Variants in NPLOC4 observed in about 807,000 individuals in gnomAD.
NPLOC4 encodes NPL4 homolog, ubiquitin recognition factor.
NPLOC4 carries 18 observed loss-of-function variants against 80.6 expected under a neutral mutation model. The ratio of observed to expected loss-of-function variants is 0.22; its 90% CI spans 0.15 to 0.33. The LOEUF (loss-of-function observed/expected upper bound fraction) is 0.33. Ranked by LOEUF, NPLOC4 falls within the 10% of genes least tolerant of loss-of-function variation. The pLI, the probability that NPLOC4 is intolerant of heterozygous loss-of-function variation, is 1.00. For synonymous variants in NPLOC4, 313 were observed against 301.5 expected (o/e 1.04, Z -0.39); for missense variants, 540 against 786.1 (o/e 0.69, Z 3.74).
At chr17:81,631,436 A>ATATATAT (rs1330720098) in intron 1 of NPLOC4, among the ~76,000 whole-genome samples, 3 of 117,050 alleles carry the variant, frequency 2.6e-5, no homozygotes, top group African/African-American at 9.4e-5. Context: ...ATATATATAT[A>ATATATAT]TTTTTTTTTT....
chr17:81,615,875 A>G (rs1419885673), intron 3 of NPLOC4, among the ~76,000 whole-genome samples: 2 of 152,234 alleles, frequency 1.3e-5, no homozygotes, highest in African/African-American at 4.8e-5. Flanking sequence ...CTCTGTAACT[A>G]AAGGCCTGCT....
chr17:81,605,071 C>G (rs531522644), intron 7 of NPLOC4, among the ~76,000 whole-genome samples: 2 of 150,712 alleles, frequency 1.3e-5, no homozygotes, highest in East Asian at 4.0e-4. Context: ...CCATCCTGAC[C>G]AACATGATGA....
chr17:81,613,098 A>G, intron 4 of NPLOC4: 1 of 451,110 alleles, frequency 2.2e-6, no homozygotes, highest in South Asian at 3.8e-5. Flanking sequence ...TTATGGGAAC[A>G]TATTTTGAGG....
rs1416485461 is a variant in NPLOC4 at position 81,603,278 on chromosome 17, C to CT, written c.834+1269dup. Among the ~76,000 whole-genome samples the CT allele has an allele frequency of 2.6e-5, 4 of 151,864 alleles. No individual in the cohort carries two copies. In the East Asian group the frequency reaches 7.7e-4, roughly 29 times the overall value. Reference sequence around the variant, plus strand: ...GTAAACATGACTTTGGAAATGTGCACTTTTTTTTTCTTTTCTAACTTTTAA... The same window carrying CT: ...GTAAACATGACTTTGGAAATGTGCACTTTTTTTTTTCTTTTCTAACTTTTAA... On this transcript the variant is annotated intron_variant, in intron 8 of 16. Coordinates refer to ENST00000331134, the MANE Select transcript of NPLOC4 (RefSeq NM_017921.4).
In NPLOC4 at chr17:81,565,572, G is replaced by T; in HGVS notation, c.1602C>A (p.Thr534=). 6.4e-7 allele frequency: 1 copy of T among 1,555,008 alleles called. No individual in the cohort carries two copies. ...SISLLLEAVR[T]RNEELAQTWK... The stretch of plus-strand genomic sequence containing the variant: ...ATGTCTGGGCGAGCTCCTCATTTCT[G>T]GTCCGCACGGCCTCCAGCAGCAAGC... Residue 534 remains threonine, a synonymous_variant, in exon 16 of 17, where the codon ACC becomes ACA. Coordinates refer to ENST00000331134, the MANE Select transcript of NPLOC4 (RefSeq NM_017921.4).
rs2144100516 is a variant in NPLOC4 at position 81,580,505 on chromosome 17, G to A, written c.1282-8417C>T. 6.6e-6 allele frequency among the ~76,000 whole-genome samples: 1 copy of A among 152,180 alleles called. No individual in the cohort carries two copies. The highest frequency in any genetic ancestry group is 2.1e-4 in the South Asian group (1 of 4,816). On this transcript the variant is annotated intron_variant, in intron 12 of 16. Transcript: ENST00000331134. This position sits in a 1 kb window ranked among gnomAD's most constrained non-coding sequence, Gnocchi z 4.4. ...TCCAACCATAGATTCAGCTTCCAAG[G>A]GCCCCTCCCACCTCTACCCCAGCAG...
At chr17:81,608,925 C>T (rs1303960155) in intron 5 of NPLOC4, 103 bp from the exon 6 acceptor site, 3 of 788,668 alleles carry the variant, frequency 3.8e-6, no homozygotes, top group African/African-American at 1.7e-5. Context: ...ATGGCCTTGG[C>T]AAGTCAAGGC....
intron 11 of NPLOC4, among the ~76,000 whole-genome samples, chr17:81,590,288 C>T (rs2034703757): frequency 6.6e-6 from 1 of 152,152 alleles, no homozygotes; most frequent in South Asian, 2.1e-4. Flanking sequence ...TCCATCGAAG[C>T]CTCCAGAATG....
chr17:81,585,843 G>A (rs983412021), intron 12 of NPLOC4, among the ~76,000 whole-genome samples: 3 of 151,922 alleles, frequency 2.0e-5, no homozygotes, highest in African/African-American at 7.3e-5. Flanking sequence ...AAAAGAGTTA[G>A]GTGGGCATGG....
intron 11 of NPLOC4, among the ~76,000 whole-genome samples, chr17:81,591,311 T>C (rs1022952131): frequency 1.3e-5 from 2 of 151,956 alleles, no homozygotes; most frequent in Non-Finnish European, 2.9e-5. Context: ...GGCGTGCACC[T>C]GTAATCCCAG....
At chr17:81,618,044 A>G (rs183014241) in intron 3 of NPLOC4, among the ~76,000 whole-genome samples, 2,714 of 152,104 alleles carry the variant, frequency 0.018, 87 homozygotes, top group African/African-American at 0.061. Context: ...TGGCCTCCCA[A>G]AGTGCCGAGA....
At chr17:81,585,512 G>A (rs1430299548) in intron 12 of NPLOC4, among the ~76,000 whole-genome samples, 1 of 151,610 alleles carries the variant, frequency 6.6e-6, no homozygotes, top group Non-Finnish European at 1.5e-5. Flanking sequence ...AAATTTAAAA[G>A]TTAGCCAGGC....
chr17:81,607,941 G>T (rs537108529), intron 6 of NPLOC4, among the ~76,000 whole-genome samples: 23 of 152,206 alleles, frequency 1.5e-4, no homozygotes, highest in Non-Finnish European at 3.4e-4. Context: ...GCACTGACAG[G>T]AATTATAAAA....
At chr17:81,617,794 G>A (rs62074725) in intron 3 of NPLOC4, among the ~76,000 whole-genome samples, 10 of 151,862 alleles carry the variant, frequency 6.6e-5, no homozygotes, top group Admixed American at 4.6e-4. Context: ...GAGTGCCTGC[G>A]ATTGCAGGCG....
At position 81,565,555 on chromosome 17, in the gene NPLOC4, G is replaced by T; in HGVS notation, c.1619C>A (p.Ala540Asp). ...EAVRTRNEELAQTWKRSEQWA... is the reference protein window; with the variant it reads ...EAVRTRNEELDQTWKRSEQWA... ...CTGCTCAGACCTCTTCCATGTCTGG[G>T]CGAGCTCCTCATTTCTGGTCCGCAC... The change falls in exon 16 of 17, where the codon GCC becomes GAC. Residue 540 changes from alanine to aspartate, a missense_variant. Physicochemically the swap from Ala to Asp is moderately radical, Grantham distance 126. Transcript: ENST00000331134. 6.4e-7 allele frequency: 1 copy of T among 1,556,170 alleles called. No individual in the cohort carries two copies. Among genetic ancestry groups the T allele is most frequent in the Non-Finnish European group, 8.7e-7 (1 of 1,150,652 alleles).
intron 7 of NPLOC4, among the ~76,000 whole-genome samples, chr17:81,605,294 A>T (rs201452920): frequency 2.1e-4 from 10 of 47,240 alleles, no homozygotes; most frequent in South Asian, 5.0e-4. Flanking sequence ...AAAAAAAAAT[A>T]AATAATAATA....
chr17:81,596,751 A>G (rs1198458354), intron 10 of NPLOC4, among the ~76,000 whole-genome samples: 1 of 152,210 alleles, frequency 6.6e-6, no homozygotes, highest in Admixed American at 6.5e-5. Context: ...TTATAAAGGT[A>G]AGATGGGTTT....
At chr17:81,619,377 AAAAAAC>A (rs1424897472) in intron 3 of NPLOC4, among the ~76,000 whole-genome samples, 5 of 151,312 alleles carry the variant, frequency 3.3e-5, no homozygotes, top group Middle Eastern at 3.2e-3. Context: ...ACTCCGTCTC[AAAAAAC>A]AAAAACAAAA....
chr17:81,616,111 G>A lies in NPLOC4; in HGVS notation c.210-2617C>T, dbSNP rs989404748. Among the ~76,000 whole-genome samples the A allele has an allele frequency of 3.3e-5, 5 of 151,918 alleles. No individual in the cohort carries two copies. In the South Asian group the frequency reaches 1.0e-3, roughly 32 times the overall value. On this transcript the variant is annotated intron_variant, in intron 3 of 16. Coordinates refer to ENST00000331134, the MANE Select transcript of NPLOC4 (RefSeq NM_017921.4). ...AGGTGGGAGGATCACGAGGTCAAGA[G>A]ATTGAGACCATCCTGGCCAGCACAG...
Sources: gnomAD v4.1 joint callset for allele counts (sites outside exome capture counted in the v4.1 genomes callset) on GRCh38, gnomAD v4.1.1 for gene constraint, Gnocchi (gnomAD v3.1) non-coding constraint, MANE v1.5 for transcripts, NCBI Gene and HGNC (gene_info 2026-07-23, HGNC 2026-07-21) for gene names.